Variants in KLF12 observed in about 807,000 individuals in gnomAD.
KLF12 encodes KLF transcription factor 12.
A neutral mutation model predicts 37.8 loss-of-function variants in KLF12; 9 were observed. That is an observed-to-expected ratio of 0.24 (90% CI 0.14 to 0.42). The LOEUF (loss-of-function observed/expected upper bound fraction) is 0.42, where lower values mean the gene tolerates loss of function less well. Among genes scored for constraint, KLF12 ranks in the 10% least tolerant of loss-of-function variants. The pLI is 1.00. For synonymous variants in KLF12, 208 were observed against 202.1 expected (o/e 1.03, Z -0.25); for missense variants, 411 against 516.0 (o/e 0.80, Z 1.97).
At chr13:73,896,744 G>A (rs1887787411) in intron 3 of KLF12, among the ~76,000 whole-genome samples, 1 of 151,902 alleles carries the variant, frequency 6.6e-6, no homozygotes, top group South Asian at 2.1e-4. Context: ...TTTGCCCATG[G>A]AGATTCATTA....
At chr13:74,122,821 G>A (rs1215048147) in intron 1 of KLF12, among the ~76,000 whole-genome samples, 1 of 152,000 alleles carries the variant, frequency 6.6e-6, no homozygotes, top group Non-Finnish European at 1.5e-5. Context: ...TAAAAACTGT[G>A]TATGTGTTCC....
the KLF12 span, among the ~76,000 whole-genome samples, chr13:74,173,302 T>C: frequency 6.6e-6 from 1 of 152,168 alleles, no homozygotes; most frequent in South Asian, 2.1e-4. Flanking sequence ...TCAGGAATAG[T>C]TTTTCTTTTC....
intron 3 of KLF12, among the ~76,000 whole-genome samples, chr13:73,859,271 T>C (rs373056576): frequency 7.2e-5 from 11 of 152,282 alleles, no homozygotes; most frequent in African/African-American, 2.6e-4. Context: ...GGCAAGAGCT[T>C]TCTCTTCCGG....
intron 5 of KLF12, among the ~76,000 whole-genome samples, chr13:73,805,868 G>A (rs1882583533): frequency 6.6e-6 from 1 of 152,024 alleles, no homozygotes; most frequent in Non-Finnish European, 1.5e-5. Context: ...GCAGGGGCAC[G>A]ATCTTGGCTC....
chr13:74,246,465 G>A, the KLF12 span, among the ~76,000 whole-genome samples: 1 of 152,170 alleles, frequency 6.6e-6, no homozygotes, highest in African/African-American at 2.4e-5. Flanking sequence ...GTTTTTTGAG[G>A]AATTATTAGG....
chr13:73,967,400 G>A (rs1891200450), intron 2 of KLF12, among the ~76,000 whole-genome samples: 1 of 152,194 alleles, frequency 6.6e-6, no homozygotes, highest in Non-Finnish European at 1.5e-5. Context: ...AGTGGATGAT[G>A]TGTAAATGAG....
At chr13:73,939,023 A>G (rs1296051869) in intron 3 of KLF12, among the ~76,000 whole-genome samples, 1 of 152,016 alleles carries the variant, frequency 6.6e-6, no homozygotes, top group African/African-American at 2.4e-5. Flanking sequence ...AAAACACCCA[A>G]TCTCTTTCCC....
the KLF12 span, among the ~76,000 whole-genome samples, chr13:74,240,894 C>T: frequency 6.8e-6 from 1 of 148,114 alleles, no homozygotes. Context: ...TTTGAATGTC[C>T]TCCCATAGCT....
At chr13:74,047,545 C>T (rs112011219) in intron 1 of KLF12, among the ~76,000 whole-genome samples, 10,715 of 151,300 alleles carry the variant, frequency 0.071, 509 homozygotes, top group Non-Finnish European at 0.1. Context: ...TGCAGTGAGC[C>T]GAGATCCAGC....
At chr13:74,153,357 T>A in the KLF12 span, among the ~76,000 whole-genome samples, 1 of 152,198 alleles carries the variant, frequency 6.6e-6, no homozygotes, top group African/African-American at 2.4e-5. Flanking sequence ...AAGGAGGGAC[T>A]GGCGAAAATA....
At chr13:73,914,879 C>T (rs558512070) in intron 3 of KLF12, among the ~76,000 whole-genome samples, 3 of 152,198 alleles carry the variant, frequency 2.0e-5, no homozygotes, top group Middle Eastern at 3.4e-3. Context: ...GAAGAATTCC[C>T]AAAAGTAAGT....
rs1435741800 is a variant in KLF12, at chr13:74,045,231, T to A, written c.-31-50178A>T. Among the ~76,000 whole-genome samples the A allele has an allele frequency of 2.0e-5, 3 of 152,178 alleles. No individual in the cohort carries two copies. The East Asian group carries it at 5.8e-4, about 29-fold the overall frequency. Reference sequence around the variant, plus strand: ...ACCCCTATTTCAGCCAGGTAATCAATGTCAGTATGGAGATGATAAGTCATT... The same window carrying A: ...ACCCCTATTTCAGCCAGGTAATCAAAGTCAGTATGGAGATGATAAGTCATT... On this transcript the variant is annotated intron_variant, in intron 1 of 7. Transcript: ENST00000377669.
chr13:74,112,386 GTC>G (rs1491259100), intron 1 of KLF12, among the ~76,000 whole-genome samples: 2,405 of 101,856 alleles, frequency 0.024, 57 homozygotes, highest in African/African-American at 0.079. Context: ...TGCAGATATT[GTC>G]TGTGTGTGTG....
At chr13:74,281,464 C>A in the KLF12 span, among the ~76,000 whole-genome samples, 1 of 152,144 alleles carries the variant, frequency 6.6e-6, no homozygotes, top group Admixed American at 6.5e-5. Flanking sequence ...AGTTATTAAT[C>A]AAAGAAAACC....
intron 3 of KLF12, among the ~76,000 whole-genome samples, chr13:73,858,717 A>G (rs1392973011): frequency 6.6e-6 from 1 of 152,230 alleles, no homozygotes; most frequent in African/African-American, 2.4e-5. Context: ...TAGAGATTTA[A>G]TGAGATTTCC....
chr13:74,063,799 G>GTT (rs922785177), intron 1 of KLF12, among the ~76,000 whole-genome samples: 24 of 152,262 alleles, frequency 1.6e-4, no homozygotes, highest in African/African-American at 5.8e-4. Flanking sequence ...TTCCCTTATA[G>GTT]TTTTTCACTT....
chr13:74,150,707 T>C, the KLF12 span, among the ~76,000 whole-genome samples: 1 of 152,140 alleles, frequency 6.6e-6, no homozygotes, highest in Non-Finnish European at 1.5e-5. Context: ...GTAAGTAAAA[T>C]AAGGGTGACT....
At chr13:74,179,320 G>GTGTA in the KLF12 span, among the ~76,000 whole-genome samples, 2 of 152,216 alleles carry the variant, frequency 1.3e-5, no homozygotes, top group Non-Finnish European at 2.9e-5. Flanking sequence ...GGTGACTAAT[G>GTGTA]TGTATGTTCA....
the KLF12 span, among the ~76,000 whole-genome samples, chr13:74,270,868 C>T: frequency 6.6e-6 from 1 of 152,148 alleles, no homozygotes; most frequent in African/African-American, 2.4e-5. Flanking sequence ...TTGGGTCTGG[C>T]TTTCCCATCA....
Sources: gnomAD v4.1 joint callset for allele counts (sites outside exome capture counted in the v4.1 genomes callset) on GRCh38, gnomAD v4.1.1 for gene constraint, MANE v1.5 for transcripts, NCBI Gene and HGNC (gene_info 2026-07-23, HGNC 2026-07-21) for gene names.